The following NUP205 variants were observed in gnomAD, a reference collection of about 807,000 sequenced individuals.
NUP205 encodes nuclear pore complex protein Nup205.
A neutral mutation model predicts 253.8 loss-of-function variants in NUP205; 76 were observed. The ratio of observed to expected loss-of-function variants is 0.30; its 90% confidence interval spans 0.25 to 0.36. The LOEUF (loss-of-function observed/expected upper bound fraction) is 0.36, where lower values mean the gene tolerates loss of function less well. NUP205 is among the 10% of genes least tolerant of loss of function. The pLI, the probability that NUP205 is intolerant of heterozygous loss-of-function variation, is 1.00. For synonymous variants in NUP205, 832 were observed against 850.1 expected, an observed-to-expected ratio of 0.98 and a Z score of 0.37; for missense variants, 2,162 against 2,425.5, an observed-to-expected ratio of 0.89 and a Z score of 2.28.
chr7:135,591,665 C>G (rs1218916904), intron 11 of NUP205, 65 bp downstream of exon 11: 4 of 1,418,568 alleles, frequency 2.8e-6, no homozygotes, highest in Non-Finnish European at 3.9e-6. Context: ...TATCCCACTA[C>G]CTATTAAGAA....
chr7:135,634,589 T>C (rs540443995), intron 35 of NUP205, among the ~76,000 whole-genome samples: 3 of 152,304 alleles, frequency 2.0e-5, no homozygotes, highest in African/African-American at 7.2e-5. Flanking sequence ...GGTTTTGTTT[T>C]GGAGTACAAG....
At chr7:135,623,122 A>T (rs988433912) in intron 31 of NUP205, among the ~76,000 whole-genome samples, 197 bp downstream of exon 31, 2 of 152,046 alleles carry the variant, frequency 1.3e-5, no homozygotes, top group Admixed American at 1.3e-4. Flanking sequence ...TACAAAAAAT[A>T]CAAAAAATTA....
intron 19 of NUP205, among the ~76,000 whole-genome samples, chr7:135,605,443 C>T (rs1241683992): frequency 6.6e-6 from 1 of 152,196 alleles, no homozygotes; most frequent in Non-Finnish European, 1.5e-5. Flanking sequence ...GTACCTTTAG[C>T]ATCCCTAGAT....
intron 40 of NUP205, 137 bp downstream of exon 40, chr7:135,645,155 T>C (rs1321379475): frequency 4.1e-6 from 4 of 965,588 alleles, no homozygotes; most frequent in Non-Finnish European, 6.2e-6. Flanking sequence ...GCCTAATGTA[T>C]TTCCAAATCA....
chr7:135,573,556 C>G, intron 2 of NUP205, 98 bp from the exon 3 acceptor site: 2 of 775,170 alleles, frequency 2.6e-6, no homozygotes, highest in Non-Finnish European at 4.0e-6. Flanking sequence ...TGTCATGTTA[C>G]CAGGCTGAAT....
chr7:135,573,881 T>C (rs929440132), intron 3 of NUP205, 56 bp downstream of exon 3: 1 of 1,357,264 alleles, frequency 7.4e-7, no homozygotes. Flanking sequence ...ATAAAATCAC[T>C]CATAGTTTAA....
At chr7:135,610,499 C>T (rs534208980) in intron 22 of NUP205, among the ~76,000 whole-genome samples, 6 of 152,242 alleles carry the variant, frequency 3.9e-5, no homozygotes, top group Admixed American at 1.3e-4. Flanking sequence ...AGATTACAGG[C>T]GTGAGCCACC....
At position 135,617,105 on chromosome 7, in the gene NUP205, T is replaced by C. The variant is rs1315359102; in HGVS notation, c.3548T>C (p.Leu1183Pro). 6.2e-7 allele frequency: 1 copy of C among 1,607,538 alleles called. No individual in the cohort carries two copies. Among genetic ancestry groups the C allele is most frequent in the Non-Finnish European group, 8.5e-7 (1 of 1,178,166 alleles). Residue 1183 changes from leucine to proline, a missense_variant, in exon 26 of 43, where the codon CTA becomes CCA. By Grantham distance (98) the Leu-to-Pro change is moderately conservative. This residue lies in a region of NUP205 where 1,144 missense variants were observed against 1,280.9 expected (regional missense o/e 0.89). Coordinates refer to ENST00000285968, the MANE Select transcript of NUP205 (RefSeq NM_015135.3). ...DTATKVRRKI[L>P]NILDSIDFSQ... ...TTATTTCTAGTACGTCGAAAAATTCTAAATATTCTTGACTCGATTGACTTC... is the reference window on the plus strand; with the variant it reads ...TTATTTCTAGTACGTCGAAAAATTCCAAATATTCTTGACTCGATTGACTTC...
At position 135,648,411 on chromosome 7, in the gene NUP205, C is replaced by G; in HGVS notation, c.5894C>G (p.Ala1965Gly). The G allele has an allele frequency of 6.3e-7, 1 of 1,585,242 alleles. No homozygotes were observed. The highest frequency in any genetic ancestry group is 8.5e-7 in the Non-Finnish European group (1 of 1,170,304). The change falls in exon 43 of 43, where the codon GCT becomes GGT. Residue 1965 changes from alanine to glycine, a missense_variant. Physicochemically the swap from Ala to Gly is moderately conservative, Grantham distance 60 (BLOSUM62 0). Around this residue, in one of 5 missense-constraint regions of NUP205, gnomAD observed 1,144 missense variants for 1,280.9 expected, o/e 0.89. Transcript: ENST00000285968. ...VSQHDLDQLQ[A>G]DAINAFGESL... ...CTTTTGTGTCACCGCTAGCTTCAGGCTGATGCAATCAACGCTTTTGGAGAA... is the reference window on the plus strand; with the variant it reads ...CTTTTGTGTCACCGCTAGCTTCAGGGTGATGCAATCAACGCTTTTGGAGAA...
chr7:135,604,536 T>C (rs1794044354), intron 19 of NUP205, 76 bp downstream of exon 19: 4 of 1,362,132 alleles, frequency 2.9e-6, no homozygotes, highest in South Asian at 2.8e-5. Context: ...CTAGTGTCTA[T>C]GGAGGAATCA....
chr7:135,625,896 C>T (rs1156487663), intron 32 of NUP205, among the ~76,000 whole-genome samples: 1 of 152,130 alleles, frequency 6.6e-6, no homozygotes, highest in Non-Finnish European at 1.5e-5. Flanking sequence ...TTATTAAATA[C>T]CTGCAAAACG....
intron 23 of NUP205, 32 bp downstream of exon 23, chr7:135,614,305 C>A: frequency 1.8e-6 from 2 of 1,098,128 alleles, no homozygotes; most frequent in Non-Finnish European, 2.8e-6. Context: ...TTTATAAGAA[C>A]ACATTTATAA....
intron 22 of NUP205, among the ~76,000 whole-genome samples, chr7:135,613,522 AT>A (rs999598214): frequency 2.7e-5 from 4 of 149,596 alleles, no homozygotes; most frequent in African/African-American, 9.8e-5. Context: ...GCTACTAATA[AT>A]TTTTTTCTTT....
chr7:135,604,553 T>G, intron 19 of NUP205, 93 bp downstream of exon 19: 1 of 1,272,162 alleles, frequency 7.9e-7, no homozygotes, highest in East Asian at 2.4e-5. Context: ...ATCATATTCT[T>G]GGTTGTGGAA....
Position 135,648,651 on chromosome 7 carries a change from A to C in NUP205, c.*95A>C. On this transcript the variant is annotated 3_prime_UTR_variant, in exon 43 of 43. Transcript: ENST00000285968. ...TTCTTTCTAAATTATGACCAAAAAT[A>C]TTTTGCTATTTCTTTCTTTGTATAT... 3.8e-6 allele frequency: 4 copies of C among 1,045,396 alleles called. No homozygotes were observed. The highest frequency in any genetic ancestry group is 5.1e-6 in the Non-Finnish European group (4 of 778,770). The allele number at this position is 1,045,396 out of a possible 1,614,324, so 64.8% of individuals were successfully genotyped here. A position where few individuals can be genotyped will look rare whatever the true frequency, so the allele number is the denominator to read the frequency against.
At chr7:135,647,739 G>A (rs768137164) in intron 42 of NUP205, among the ~76,000 whole-genome samples, 56 of 152,070 alleles carry the variant, frequency 3.7e-4, no homozygotes, top group Non-Finnish European at 1.0e-4. Context: ...AAAAAATGCA[G>A]GATTAATAAA....
intron 32 of NUP205, among the ~76,000 whole-genome samples, chr7:135,625,712 C>G (rs2129491736): frequency 6.6e-6 from 1 of 152,286 alleles, no homozygotes; most frequent in East Asian, 1.9e-4. Flanking sequence ...TAGTTCTATT[C>G]TAAACACAGC....
intron 2 of NUP205, among the ~76,000 whole-genome samples, chr7:135,571,520 G>A (rs540039287): frequency 2.0e-5 from 3 of 151,422 alleles, no homozygotes; most frequent in African/African-American, 7.3e-5. Flanking sequence ...GATTACAGAC[G>A]TGAGCCACCA....
chr7:135,602,379 T>C (rs1793985254), intron 17 of NUP205, among the ~76,000 whole-genome samples: 1 of 152,194 alleles, frequency 6.6e-6, no homozygotes, highest in Admixed American at 6.5e-5. Context: ...AATAATTCTT[T>C]GTTGTGGATG....
Sources: gnomAD v4.1 joint callset for allele counts (sites outside exome capture counted in the v4.1 genomes callset) on GRCh38, gnomAD v4.1.1 for gene constraint, gnomAD v4.1.1 regional missense constraint, MANE v1.5 for transcripts, NCBI Gene and HGNC (gene_info 2026-07-23, HGNC 2026-07-21) for gene names.